GPM6A: variants seen among roughly 807,000 people sequenced by gnomAD.
GPM6A encodes glycoprotein M6A.
Under a neutral mutation model 32.1 loss-of-function variants are expected in GPM6A, and 7 were observed. The ratio of observed to expected loss-of-function variants is 0.22; its 90% confidence interval spans 0.12 to 0.41. The LOEUF is 0.41. Ranked by LOEUF, GPM6A falls within the 10% of genes least tolerant of loss-of-function variation. The probability of loss-of-function intolerance (pLI) is 1.00; values close to 1 mark genes in which losing one functional copy is unlikely to be tolerated. For missense variants in GPM6A, 235 were observed against 347.2 expected (o/e 0.68, Z 2.57); for synonymous variants, 130 against 123.4 (o/e 1.05, Z -0.35).
At chr4:175,940,796 A>G (rs115797887) in intron 1 of GPM6A, among the ~76,000 whole-genome samples, 4,712 of 152,208 alleles carry the variant, frequency 0.031, 98 homozygotes, top group Non-Finnish European at 0.044. Flanking sequence ...CTTAGTAGAG[A>G]CAGGGTTTGC....
At chr4:175,650,294 AT>A (rs1023068984) in intron 4 of GPM6A, among the ~76,000 whole-genome samples, 1,799 of 67,882 alleles carry the variant, frequency 0.027, 41 homozygotes, top group African/African-American at 0.11. Context: ...TTATTTATTT[AT>A]TTATTTATTT....
chr4:175,767,245 G>A (rs1214664835), intron 1 of GPM6A, among the ~76,000 whole-genome samples: 1 of 152,170 alleles, frequency 6.6e-6, no homozygotes, highest in Non-Finnish European at 1.5e-5. Context: ...AAGATCATGA[G>A]CCACAGATGG....
At chr4:175,684,920 G>A (rs58357779) in intron 2 of GPM6A, among the ~76,000 whole-genome samples, 7,550 of 151,684 alleles carry the variant, frequency 0.05, 213 homozygotes, top group Non-Finnish European at 0.063. Context: ...ACGGAGTCTC[G>A]CTCTGTCGCC....
Position 175,868,065 on chromosome 4 carries a change from G to A in GPM6A, c.-22-55816C>T, listed in dbSNP as rs147441479. ...ATATTGTGCCTTGTCCCCGTGACTC[G>A]GTTTCTCTCGAGCTTTTGGTCCCCA... On this transcript the variant is annotated intron_variant, in intron 1 of 7. Transcript: ENST00000280187. Among the ~76,000 whole-genome samples the A allele has an allele frequency of 5.8e-4, 88 of 152,222 alleles. 2 individuals carry two copies. The highest frequency in any genetic ancestry group is 3.9e-3 in the East Asian group (20 of 5,180).
At chr4:175,697,993 G>A (rs542161511) in intron 2 of GPM6A, among the ~76,000 whole-genome samples, 42 of 152,172 alleles carry the variant, frequency 2.8e-4, no homozygotes, top group African/African-American at 4.6e-4. Flanking sequence ...ACGTCATTGC[G>A]TTTGCTGTTG....
chr4:175,962,678 AAC>A (rs1285322302), intron 1 of GPM6A, among the ~76,000 whole-genome samples: 33 of 152,292 alleles, frequency 2.2e-4, no homozygotes, highest in African/African-American at 7.7e-4. Flanking sequence ...GAAACTAGTA[AAC>A]ACGGCCTAAT....
At chr4:175,972,044 T>C (rs1481321641) in intron 1 of GPM6A, 2 of 152,192 alleles carry the variant, frequency 1.3e-5, no homozygotes, top group East Asian at 1.9e-4. Context: ...ACGTGCAGTG[T>C]CTTTGACCTA....
intron 1 of GPM6A, among the ~76,000 whole-genome samples, chr4:175,755,130 A>G (rs1732479097): frequency 6.6e-6 from 1 of 152,150 alleles, no homozygotes; most frequent in Non-Finnish European, 1.5e-5. Flanking sequence ...AAACACTTTC[A>G]CACTTGTATC....
In GPM6A at chr4:175,634,624, A is replaced by T; in HGVS notation, c.*281T>A. 1 of 307,138 alleles carries T rather than the reference A, an allele frequency of 3.3e-6. No individual in the cohort carries two copies. The highest frequency in any genetic ancestry group is 6.7e-5 in the South Asian group (1 of 14,898). 19.0% of individuals were successfully genotyped at this position (307,138 alleles called of 1,614,324 possible). A position where few individuals can be genotyped will look rare whatever the true frequency, so the allele number is the denominator to read the frequency against. ...ATCAAACAAATCTTTGCATTTGACA[A>T]TGTTAGTATCTTTGATTTTACAGAA... On this transcript the variant is annotated 3_prime_UTR_variant, in exon 7 of 7. Coordinates refer to ENST00000393658, the MANE Select transcript of GPM6A (RefSeq NM_201591.3).
chr4:175,964,296 AAACAACAACAAC>A (rs140794301), intron 1 of GPM6A, among the ~76,000 whole-genome samples: 2 of 151,308 alleles, frequency 1.3e-5, no homozygotes, highest in African/African-American at 4.8e-5. Context: ...AAAAACAAAC[AAACAACAACAAC>A]AACAACAACA....
intron 4 of GPM6A, among the ~76,000 whole-genome samples, chr4:175,651,248 A>G (rs1741785532): frequency 1.3e-5 from 2 of 152,212 alleles, no homozygotes; most frequent in Non-Finnish European, 2.9e-5. Context: ...ACACATGTGA[A>G]ATACTTAAAA....
At chr4:175,820,972 C>A (rs1199018114) in intron 1 of GPM6A, among the ~76,000 whole-genome samples, 1 of 152,014 alleles carries the variant, frequency 6.6e-6, no homozygotes, top group East Asian at 1.9e-4. Flanking sequence ...ATGTTTAGTG[C>A]ATACATTTAA....
chr4:175,871,357 C>A (rs966373651), intron 1 of GPM6A, among the ~76,000 whole-genome samples: 5 of 151,992 alleles, frequency 3.3e-5, no homozygotes, highest in Non-Finnish European at 5.9e-5. Flanking sequence ...GTAATTCAAG[C>A]TACTTGGAAA....
At chr4:175,812,644 A>C, upstream of GPM6A, 5 of 989,298 alleles carry the variant, frequency 5.1e-6, no homozygotes, top group Non-Finnish European at 6.0e-6. Context: ...GTTTGTATTG[A>C]AATCTGGGCT....
At chr4:175,645,413 T>C (rs1295108485) in intron 4 of GPM6A, among the ~76,000 whole-genome samples, 2 of 152,028 alleles carry the variant, frequency 1.3e-5, no homozygotes, top group Non-Finnish European at 2.9e-5. Context: ...CTCCTAGGGT[T>C]GTAAATTCCT....
At chr4:175,796,194 C>T (rs1054791781) in intron 1 of GPM6A, among the ~76,000 whole-genome samples, 2 of 152,154 alleles carry the variant, frequency 1.3e-5, no homozygotes, top group African/African-American at 4.8e-5. Context: ...TGGCTAGCAA[C>T]TAGTCACTCT....
chr4:175,951,826 G>T (rs1219946842), intron 1 of GPM6A, among the ~76,000 whole-genome samples: 1 of 152,122 alleles, frequency 6.6e-6, no homozygotes, highest in Non-Finnish European at 1.5e-5. Context: ...TAAGCAGATT[G>T]CCCTGCATAA....
At chr4:175,682,866 T>C (rs1743764452) in intron 2 of GPM6A, among the ~76,000 whole-genome samples, 1 of 151,866 alleles carries the variant, frequency 6.6e-6, no homozygotes, top group Non-Finnish European at 1.5e-5. Context: ...GCTGCAAGAG[T>C]GGAGGCCTCA....
At chr4:175,929,050 C>A (rs769906143) in intron 1 of GPM6A, among the ~76,000 whole-genome samples, 10 of 152,112 alleles carry the variant, frequency 6.6e-5, no homozygotes, top group African/African-American at 1.2e-4. Flanking sequence ...TGCTGTAAAT[C>A]TAAGGTTTAT....
Sources: gnomAD v4.1 joint callset for allele counts (sites outside exome capture counted in the v4.1 genomes callset) on GRCh38, gnomAD v4.1.1 for gene constraint, MANE v1.5 for transcripts, NCBI Gene and HGNC (gene_info 2026-07-23, HGNC 2026-07-21) for gene names.